The following UBQLN1 variants were observed in gnomAD, a reference collection of about 807,000 sequenced individuals.
UBQLN1 encodes the protein ubiquilin-1.
Under a neutral mutation model 65.4 loss-of-function variants are expected in UBQLN1, and 13 were observed. The observed-to-expected ratio is 0.20, with a 90% CI of 0.13 to 0.32. The LOEUF (loss-of-function observed/expected upper bound fraction) is 0.32. Ranked by LOEUF, UBQLN1 falls within the 10% of genes least tolerant of loss-of-function variation. The probability of loss-of-function intolerance (pLI) is 1.00; values close to 1 mark genes in which losing one functional copy is unlikely to be tolerated. For missense variants in UBQLN1, 561 were observed against 724.0 expected, an observed-to-expected ratio of 0.77 and a Z score of 2.58; for synonymous variants, 267 against 247.8, an observed-to-expected ratio of 1.08 and a Z score of -0.73.
At chr9:83,662,984 G>A (rs1269246888) in intron 10 of UBQLN1, among the ~76,000 whole-genome samples, 2 of 152,052 alleles carry the variant, frequency 1.3e-5, no homozygotes, top group African/African-American at 4.8e-5. Flanking sequence ...GCTAAGGTGG[G>A]AGGATTGCTG....
intron 3 of UBQLN1, 98 bp downstream of exon 3, chr9:83,682,853 G>A (rs1190941709): frequency 1.2e-5 from 6 of 517,024 alleles, no homozygotes; most frequent in African/African-American, 2.0e-5. Flanking sequence ...TGTTGTTAAA[G>A]TGACATAATG....
At chr9:83,665,357 C>T in intron 8 of UBQLN1, 2 of 403,672 alleles carry the variant, frequency 5.0e-6, no homozygotes, top group South Asian at 7.0e-5. Flanking sequence ...CTCCTAAGTC[C>T]ATCATGAAAG....
chr9:83,691,585 C>T (rs1564170236), intron 1 of UBQLN1, among the ~76,000 whole-genome samples: 1 of 152,160 alleles, frequency 6.6e-6, no homozygotes, highest in Non-Finnish European at 1.5e-5. Context: ...ACCACACATT[C>T]GAAAATTACC....
At position 83,683,206 on chromosome 9, in the gene UBQLN1, A is replaced by T. The variant is rs1831976136; in HGVS notation, c.333-140T>A. ...AGCTGGCTGATCACGAGGTCAAGAG[A>T]TAGAGAACATCCTGGCTAACACAGT... On this transcript the variant is annotated intron_variant, in intron 2 of 10. Transcript: ENST00000376395. 8 of 503,874 alleles carry T rather than the reference A, an allele frequency of 1.6e-5. No individual in the cohort carries two copies. In the South Asian group the frequency reaches 1.9e-4, roughly 12 times the overall value. 31.2% of individuals were successfully genotyped at this position (503,874 alleles called of 1,614,324 possible). A position where few individuals can be genotyped will look rare whatever the true frequency, so the allele number is the denominator to read the frequency against.
intron 6 of UBQLN1, among the ~76,000 whole-genome samples, chr9:83,672,368 TC>T (rs1478595888): frequency 1.3e-5 from 2 of 152,226 alleles, no homozygotes; most frequent in African/African-American, 4.8e-5. Context: ...CTGATATGCC[TC>T]CCTCACTAAA....
At chr9:83,697,341 A>G (rs1358660525) in intron 1 of UBQLN1, among the ~76,000 whole-genome samples, 4 of 150,832 alleles carry the variant, frequency 2.7e-5, no homozygotes, top group African/African-American at 4.9e-5. Flanking sequence ...TCATGAGGTC[A>G]GGAGTCCAAG....
At chr9:83,704,727 TG>T (rs1391111206) in intron 1 of UBQLN1, among the ~76,000 whole-genome samples, 1 of 140,798 alleles carries the variant, frequency 7.1e-6, no homozygotes, top group Non-Finnish European at 1.5e-5. Context: ...CTAGGGAAGC[TG>T]GGGTGGGAGA....
intron 7 of UBQLN1, chr9:83,667,825 A>G (rs1831666663): frequency 1.0e-6 from 1 of 975,340 alleles, no homozygotes; most frequent in Admixed American, 6.2e-5. Context: ...GAAAAACCAC[A>G]AATTTTAATC....
chr9:83,660,102 G>A lies in UBQLN1; in HGVS notation c.*1685C>T, dbSNP rs1171174388. 1 of 152,174 alleles carries A rather than the reference G, an allele frequency of 6.6e-6. No individual in the cohort carries two copies. Among genetic ancestry groups the A allele is most frequent in the African/African-American group, 2.4e-5 (1 of 41,444 alleles). 9.4% of individuals were successfully genotyped at this position (152,174 alleles called of 1,614,324 possible). A position where few individuals can be genotyped will look rare whatever the true frequency, so the allele number is the denominator to read the frequency against. On this transcript the variant is annotated 3_prime_UTR_variant, in exon 11 of 11. Transcript: ENST00000376395. Reference sequence around the variant, plus strand: ...CAAACTGAGGCATAAAGCAGAAAGAGCAAAGACACATGAATACCCTTCTTA... The same window carrying A: ...CAAACTGAGGCATAAAGCAGAAAGAACAAAGACACATGAATACCCTTCTTA...
chr9:83,702,375 T>A (rs559175819), intron 1 of UBQLN1, among the ~76,000 whole-genome samples: 25 of 152,330 alleles, frequency 1.6e-4, no homozygotes, highest in African/African-American at 5.8e-4. Context: ...GTTTTTCAGC[T>A]GTCCAGTATT....
At chr9:83,700,681 T>A (rs1832295435) in intron 1 of UBQLN1, among the ~76,000 whole-genome samples, 1 of 152,196 alleles carries the variant, frequency 6.6e-6, no homozygotes, top group Admixed American at 6.5e-5. Context: ...AGAGTGTTCT[T>A]GCATTCTAGG....
At position 83,697,551 on chromosome 9, in the gene UBQLN1, C is replaced by CAG. The variant is rs1554730042; in HGVS notation, c.180+9948_180+9949insCT. On this transcript the variant is annotated intron_variant, in intron 1 of 10. Transcript: ENST00000376395. ...GGGGCAACAGTGCAAGACACTGTCT[C>CAG]AAAAAAAAAAAAAAAAAAAAAAAAA... is the stretch of plus-strand genomic sequence containing the variant. 2.6e-4 allele frequency among the ~76,000 whole-genome samples: 9 copies of CAG among 34,476 alleles called. No individual in the cohort carries two copies. In the Admixed American group the frequency reaches 3.0e-3, roughly 12 times the overall value. The allele number at this position is 34,476 out of a possible 152,430, so 22.6% of individuals were successfully genotyped here. A position where few individuals can be genotyped will look rare whatever the true frequency, so the allele number is the denominator to read the frequency against.
At chr9:83,686,725 A>G (rs550505187) in intron 1 of UBQLN1, among the ~76,000 whole-genome samples, 12 of 152,218 alleles carry the variant, frequency 7.9e-5, no homozygotes, top group Admixed American at 2.0e-4. Flanking sequence ...AGCCAATCTC[A>G]TATTCTTGGC....
intron 1 of UBQLN1, among the ~76,000 whole-genome samples, chr9:83,706,205 T>A (rs1317004409): frequency 6.6e-6 from 1 of 152,240 alleles, no homozygotes; most frequent in Non-Finnish European, 1.5e-5. Flanking sequence ...TGTCATCTAC[T>A]GATACGTGCA....
chr9:83,692,441 A>G (rs1832143944), intron 1 of UBQLN1, among the ~76,000 whole-genome samples: 2 of 152,234 alleles, frequency 1.3e-5, no homozygotes, highest in Non-Finnish European at 2.9e-5. Flanking sequence ...TCAGAAACTA[A>G]ATAGTATTGA....
At chr9:83,684,263 C>T (rs1389193988) in intron 2 of UBQLN1, among the ~76,000 whole-genome samples, 2 of 151,720 alleles carry the variant, frequency 1.3e-5, no homozygotes, top group African/African-American at 4.8e-5. Context: ...GGCATGATCT[C>T]GGCTCACTGT....
chr9:83,689,044 T>C (rs1832086115), intron 1 of UBQLN1, among the ~76,000 whole-genome samples: 1 of 152,218 alleles, frequency 6.6e-6, no homozygotes, highest in African/African-American at 2.4e-5. Flanking sequence ...AACATTTTCA[T>C]TACCTCAAAA....
intron 7 of UBQLN1, 107 bp downstream of exon 7, chr9:83,669,078 T>C (rs1831688826): frequency 8.0e-7 from 1 of 1,257,480 alleles, no homozygotes; most frequent in Non-Finnish European, 1.1e-6. Context: ...ATTTTTCTAG[T>C]GTATTAAGAT....
chr9:83,707,497 C>T lies in UBQLN1; in HGVS notation c.180+3G>A, dbSNP rs776500862. On this transcript the variant is annotated splice_donor_region_variant and intron_variant, in intron 1 of 10. Transcript: ENST00000376395. ...TCCCGGCCCGAGCCCCAGGCGGCCT[C>T]ACCTGCTGGACGGAGCTATTCTCGG... The T allele has an allele frequency of 1.9e-6, 3 of 1,605,480 alleles. No homozygotes were observed. The highest frequency in any genetic ancestry group is 1.1e-5 in the South Asian group (1 of 90,614).
Sources: allele counts gnomAD v4.1 joint callset (sites outside exome capture counted in the v4.1 genomes callset), GRCh38; gene constraint gnomAD v4.1.1; transcripts MANE v1.5; gene names NCBI Gene and HGNC (gene_info 2026-07-23, HGNC 2026-07-21).